The following CBLB variants were observed in gnomAD, a reference collection of about 807,000 sequenced individuals.
CBLB encodes the protein Cbl proto-oncogene B, also known as E3 ubiquitin-protein ligase CBL-B.
Under a neutral mutation model 104.9 loss-of-function variants are expected in CBLB, and 31 were observed. That is an observed-to-expected ratio of 0.30 (90% CI 0.22 to 0.40). The LOEUF is 0.40. CBLB is among the 10% of genes least tolerant of loss of function. The pLI is 1.00. For missense variants in CBLB, 1,062 were observed against 1,214.6 expected (o/e 0.87, Z 1.87); for synonymous variants, 440 against 422.6 (o/e 1.04, Z -0.51).
intron 4 of CBLB, among the ~76,000 whole-genome samples, chr3:105,760,099 A>G (rs1168968234): frequency 6.6e-6 from 1 of 152,188 alleles, no homozygotes; most frequent in Non-Finnish European, 1.5e-5. Flanking sequence ...AATCTTCTCA[A>G]TTATTTTGTT....
chr3:105,660,748 A>G (rs1559714497), intron 18 of CBLB, among the ~76,000 whole-genome samples: 1 of 152,158 alleles, frequency 6.6e-6, no homozygotes, highest in Non-Finnish European at 1.5e-5. Context: ...GTAAGCTGAT[A>G]TTTTCAATAA....
chr3:105,688,535 A>G (rs1559826435), intron 13 of CBLB, among the ~76,000 whole-genome samples: 1 of 152,064 alleles, frequency 6.6e-6, no homozygotes, highest in Non-Finnish European at 1.5e-5. Context: ...ATAAGAATCT[A>G]TCTTCCTTTA....
At position 105,656,599 on chromosome 3, in the gene CBLB, CA is replaced by C. The variant is rs2063365347; in HGVS notation, c.*2370del. Reference sequence around the variant, plus strand: ...GCTGGAGGCTGGTAAATTTTCTCTGCAAAACAGATATCCCCCCACCCCCCAC... The same window carrying C: ...GCTGGAGGCTGGTAAATTTTCTCTGCAAACAGATATCCCCCCACCCCCCAC... On this transcript the variant is annotated 3_prime_UTR_variant, in exon 19 of 19. Coordinates refer to ENST00000394030, the MANE Select transcript of CBLB (RefSeq NM_170662.5). 2 of 184,440 alleles carry C rather than the reference CA, an allele frequency of 1.1e-5. No homozygotes were observed. The highest frequency in any genetic ancestry group is 2.0e-4 in the South Asian group (1 of 5,060). The allele number at this position is 184,440 out of a possible 1,614,324, so 11.4% of individuals were successfully genotyped here.
chr3:105,836,543 A>C (rs558118965), intron 3 of CBLB, among the ~76,000 whole-genome samples: 16 of 152,226 alleles, frequency 1.1e-4, no homozygotes, highest in Non-Finnish European at 2.9e-5. Context: ...TTTGACCTCC[A>C]GAGTTATAAG....
chr3:105,830,803 C>A (rs1577613661), intron 3 of CBLB, among the ~76,000 whole-genome samples: 2 of 152,254 alleles, frequency 1.3e-5, no homozygotes, highest in South Asian at 2.1e-4. Context: ...CAAAAACCAC[C>A]AAATTTATGT....
chr3:105,854,213 C>A (rs114758804), intron 2 of CBLB, among the ~76,000 whole-genome samples: 3 of 152,144 alleles, frequency 2.0e-5, no homozygotes, highest in African/African-American at 7.2e-5. Context: ...TTCCACCTCC[C>A]CATACTGTCT....
At chr3:105,715,466 C>T (rs768882277) in intron 10 of CBLB, among the ~76,000 whole-genome samples, 1 of 152,086 alleles carries the variant, frequency 6.6e-6, no homozygotes, top group Non-Finnish European at 1.5e-5. Context: ...GTTTAGTATG[C>T]TACTATTTAT....
At chr3:105,837,606 C>A (rs2088758782) in intron 3 of CBLB, among the ~76,000 whole-genome samples, 1 of 152,160 alleles carries the variant, frequency 6.6e-6, no homozygotes, top group Non-Finnish European at 1.5e-5. Context: ...TACAAGGACA[C>A]TCCATTAAAG....
intron 4 of CBLB, among the ~76,000 whole-genome samples, chr3:105,767,008 T>C (rs949959343): frequency 6.6e-6 from 1 of 152,204 alleles, no homozygotes; most frequent in Non-Finnish European, 1.5e-5. Flanking sequence ...TGTATCTTGT[T>C]ACAATGAATT....
At chr3:105,828,174 CGGGCATGTGGCTTCCCTTTAA>C (rs538145075) in intron 3 of CBLB, among the ~76,000 whole-genome samples, 101 of 152,234 alleles carry the variant, frequency 6.6e-4, no homozygotes, top group African/African-American at 2.4e-3. Context: ...GGGGAATGAG[CGGGCATGTGGCTTCCCTTTAA>C]GGGCATGATC....
At chr3:105,707,964 G>T (rs566707273) in intron 10 of CBLB, among the ~76,000 whole-genome samples, 1 of 151,230 alleles carries the variant, frequency 6.6e-6, no homozygotes, top group East Asian at 1.9e-4. Context: ...TTTTATTTTT[G>T]CATTTTAAAA....
At chr3:105,833,469 GA>G (rs1280438426) in intron 3 of CBLB, among the ~76,000 whole-genome samples, 1 of 151,944 alleles carries the variant, frequency 6.6e-6, no homozygotes, top group Admixed American at 6.6e-5. Flanking sequence ...CAAAAACTAG[GA>G]ACTTTTACTT....
In CBLB at chr3:105,853,497, A is replaced by G. The variant is rs546972153; in HGVS notation, c.336T>C (p.Asp112=). The G allele has an allele frequency of 5.0e-6, 8 of 1,613,364 alleles. No individual in the cohort carries two copies. The highest frequency in any genetic ancestry group is 4.0e-5 in the African/African-American group (3 of 75,010). The change falls in exon 3 of 19, where the codon GAT becomes GAC. Residue 112 remains aspartate, a synonymous_variant. Coordinates refer to ENST00000394030, the MANE Select transcript of CBLB (RefSeq NM_170662.5). The part of the protein sequence containing the change: ...SENEYFKIYI[D]SLMKKSKRAI... ...CCCGTTTTGACTTTTTCATAAGGCT[A>G]TCAATGTAGATTTTAAAGTACTCAT...
At chr3:105,750,355 G>A (rs890187665) in intron 5 of CBLB, among the ~76,000 whole-genome samples, 2 of 151,902 alleles carry the variant, frequency 1.3e-5, no homozygotes, top group Non-Finnish European at 2.9e-5. Flanking sequence ...GTGCCAAGCA[G>A]AATTATAAAT....
At chr3:105,722,197 C>A (rs1304792795) in intron 9 of CBLB, among the ~76,000 whole-genome samples, 1 of 8,308 alleles carries the variant, frequency 1.2e-4, no homozygotes, top group Non-Finnish European at 2.8e-4. Context: ...AGACCCCGTG[C>A]CAAAAAAAAA....
intron 4 of CBLB, among the ~76,000 whole-genome samples, chr3:105,766,289 G>A (rs1452478683): frequency 6.6e-6 from 1 of 152,176 alleles, no homozygotes; most frequent in Non-Finnish European, 1.5e-5. Context: ...TGAAGATGCT[G>A]TGAACACTGC....
chr3:105,659,152 G>A lies in CBLB; in HGVS notation c.2767C>T (p.His923Tyr). The part of the protein sequence containing the change: ...TAPEIHHRKP[H>Y]GPEAALENVD... The stretch of plus-strand genomic sequence containing the variant: ...TTTTCCAATGCCGCCTCAGGCCCAT[G>A]GGGTTTTCTGTGGTGAATTTCTGGT... Residue 923 changes from histidine to tyrosine, a missense_variant, in exon 19 of 19, where the codon CAT (histidine) becomes TAT (tyrosine). This residue lies in a region of CBLB where 605 missense variants were observed against 582.6 expected (regional missense o/e 1.04). Coordinates refer to ENST00000394030, the MANE Select transcript of CBLB (RefSeq NM_170662.5). 1 of 1,613,972 alleles carries A rather than the reference G, an allele frequency of 6.2e-7. No homozygotes were observed. Among genetic ancestry groups the A allele is most frequent in the South Asian group, 1.1e-5 (1 of 91,088 alleles).
At position 105,763,565 on chromosome 3, in the gene CBLB, C is replaced by G. The variant is rs374279765; in HGVS notation, c.567-11947G>C. Among the ~76,000 whole-genome samples, 15 of 152,308 alleles carry G rather than the reference C, an allele frequency of 9.8e-5. No homozygotes were observed. The East Asian group carries it at 1.2e-3, about 12-fold the overall frequency. ...GTAAGAAGTGCCTTTCGCCTTCCAC[C>G]ACGATTGTGAGGTCTCCCTAGTCAT... On this transcript the variant is annotated intron_variant, in intron 4 of 18. Coordinates refer to ENST00000394030, the MANE Select transcript of CBLB (RefSeq NM_170662.5).
chr3:105,843,924 T>TA (rs1462993981), intron 3 of CBLB, among the ~76,000 whole-genome samples: 7 of 152,174 alleles, frequency 4.6e-5, no homozygotes, highest in African/African-American at 9.7e-5. Context: ...TGGTGTCCCC[T>TA]AAAAAGATAT....
Sources: allele counts gnomAD v4.1 joint callset (sites outside exome capture counted in the v4.1 genomes callset), GRCh38; gene constraint gnomAD v4.1.1; regional missense constraint gnomAD v4.1.1; transcripts MANE v1.5; gene names NCBI Gene and HGNC (gene_info 2026-07-23, HGNC 2026-07-21).